TMLHE: variants seen among roughly 807,000 people sequenced by gnomAD.
The protein encoded by TMLHE is trimethyllysine hydroxylase, epsilon.
TMLHE carries 18 observed loss-of-function variants against 25.7 expected under a neutral mutation model. That is an observed-to-expected ratio of 0.70 (90% confidence interval 0.48 to 1.04). TMLHE has a LOEUF of 1.04. Ranked by LOEUF, TMLHE falls within the 50% of genes least tolerant of loss-of-function variation. The probability of loss-of-function intolerance (pLI) is 0.00; values close to 1 mark genes in which losing one functional copy is unlikely to be tolerated. For synonymous variants in TMLHE, 105 were observed against 97.0 expected, an observed-to-expected ratio of 1.08 and a Z score of -0.49; for missense variants, 236 against 259.0, an observed-to-expected ratio of 0.91 and a Z score of 0.61.
At chrX:155,553,703 TTC>T (rs1444279792) in intron 1 of TMLHE, among the ~76,000 whole-genome samples, 4 of 110,651 alleles carry the variant, frequency 3.6e-5, no homozygotes, top group African/African-American at 6.6e-5. Flanking sequence ...ACTATTTACT[TTC>T]TGTTTGTCTT....
Position 155,565,740 on chromosome X carries a change from G to T in TMLHE, c.-1-20463C>A, listed in dbSNP as rs1239254896. Among the ~76,000 whole-genome samples the T allele has an allele frequency of 1.1e-4, 7 of 62,245 alleles. 3 individuals are homozygous for T. The highest frequency in any genetic ancestry group is 3.2e-4 in the Non-Finnish European group (7 of 22,178). The allele number at this position is 62,245 out of a possible 115,157, so 54.1% of individuals were successfully genotyped here. On this transcript the variant is annotated intron_variant, in intron 1 of 7. Coordinates refer to ENST00000334398, the MANE Select transcript of TMLHE (RefSeq NM_018196.4). ...TGTTGGTATACTGTTGCTTCTGAAT[G>T]AAATCTATTGACTCTACTGCTAGGT...
chrX:155,592,598 C>G (rs1476016540), intron 1 of TMLHE, among the ~76,000 whole-genome samples: 1 of 111,984 alleles, frequency 8.9e-6, no homozygotes, highest in South Asian at 3.7e-4. Context: ...AGGCAGACAA[C>G]TAGATTTCTA....
At chrX:155,609,867 A>AC (rs1303466952) in intron 1 of TMLHE, among the ~76,000 whole-genome samples, 4 of 112,703 alleles carry the variant, frequency 3.5e-5, no homozygotes, top group Non-Finnish European at 7.5e-5. Context: ...TTTGAAAAAA[A>AC]CAAAACAAAA....
At chrX:155,612,368 G>GTT (rs2067829007) in intron 1 of TMLHE, 2 of 111,824 alleles carry the variant, frequency 1.8e-5, no homozygotes, top group East Asian at 2.8e-4. Flanking sequence ...CCACTCTACT[G>GTT]CCGAACAAAG....
chrX:155,550,082 C>T lies in TMLHE; in HGVS notation c.-1-4805G>A, dbSNP rs781802086. On this transcript the variant is annotated intron_variant, in intron 1 of 7. Transcript: ENST00000334398. Reference sequence around the variant, plus strand: ...TCCTTTTTATGGCTGCATAGTATTCCGTGGCGTATATGTGCCACATTTTCT... The same window carrying T: ...TCCTTTTTATGGCTGCATAGTATTCTGTGGCGTATATGTGCCACATTTTCT... Among the ~76,000 whole-genome samples the T allele has an allele frequency of 5.7e-4, 63 of 110,690 alleles. 3 individuals are homozygous for T. The highest frequency in any genetic ancestry group is 1.9e-3 in the African/African-American group (56 of 29,977).
At chrX:155,571,112 G>C (rs2067546391) in intron 1 of TMLHE, among the ~76,000 whole-genome samples, 2 of 56,873 alleles carry the variant, frequency 3.5e-5, no homozygotes. Context: ...AGAAAAGAGA[G>C]AAGAATCAAA....
At chrX:155,549,693 G>C (rs2067399551) in intron 1 of TMLHE, among the ~76,000 whole-genome samples, 2 of 109,927 alleles carry the variant, frequency 1.8e-5, no homozygotes, top group Non-Finnish European at 3.8e-5. Context: ...GTATGTGTGT[G>C]TGTCATCTTT....
In TMLHE at chrX:155,561,041, G is replaced by C. The variant is rs190806734; in HGVS notation, c.-1-15764C>G. Among the ~76,000 whole-genome samples the C allele has an allele frequency of 4.1e-4, 25 of 61,391 alleles. 10 individuals carry two copies. In the East Asian group the frequency reaches 0.017, roughly 43 times the overall value. The allele number at this position is 61,391 out of a possible 115,157, so 53.3% of individuals were successfully genotyped here. ...TTAGACTAAGGCAGTAGCAGTGAAA[G>C]TGGTGAAAAAGGGTCAGAGTCTGTT... On this transcript the variant is annotated intron_variant, in intron 1 of 7. Transcript: ENST00000334398.
intron 1 of TMLHE, among the ~76,000 whole-genome samples, chrX:155,548,699 C>G (rs1048349720): frequency 3.7e-5 from 4 of 107,007 alleles, no homozygotes; most frequent in African/African-American, 1.4e-4. Context: ...TGTGCCACTG[C>G]ACTCCAGCCT....
At chrX:155,583,666 G>C (rs1170800575) in intron 1 of TMLHE, among the ~76,000 whole-genome samples, 2 of 112,097 alleles carry the variant, frequency 1.8e-5, no homozygotes, top group Non-Finnish European at 1.9e-5. Context: ...CAGCAACATG[G>C]ATGTAACTGA....
chrX:155,507,779 T>A lies in TMLHE; in HGVS notation c.759-645A>T, dbSNP rs146839237. 7.1e-4 allele frequency among the ~76,000 whole-genome samples: 79 copies of A among 111,099 alleles called. 1 individual carries two copies. The highest frequency in any genetic ancestry group is 3.0e-3 in the Admixed American group (31 of 10,371). ...TAAACTGTGAAACTCTACGGCCATA[T>A]CAATATTTTAAAGAGTCCATTATGT... On this transcript the variant is annotated intron_variant, in intron 5 of 7. Coordinates refer to ENST00000334398, the MANE Select transcript of TMLHE (RefSeq NM_018196.4).
At chrX:155,505,099 T>C (rs1325147477) in intron 6 of TMLHE, among the ~76,000 whole-genome samples, 1 of 111,918 alleles carries the variant, frequency 8.9e-6, no homozygotes, top group Admixed American at 9.5e-5. Context: ...AGATATGTAC[T>C]GATATCTGCA....
chrX:155,512,230 A>T (rs1219112889), intron 4 of TMLHE, among the ~76,000 whole-genome samples: 2 of 109,549 alleles, frequency 1.8e-5, no homozygotes, highest in Non-Finnish European at 3.8e-5. Flanking sequence ...GGTTTGTTAC[A>T]TATGTATACA....
At chrX:155,603,800 C>T (rs992309715) in intron 1 of TMLHE, among the ~76,000 whole-genome samples, 106 of 111,887 alleles carry the variant, frequency 9.5e-4, no homozygotes, top group African/African-American at 3.0e-3. Flanking sequence ...AAACGAAAGA[C>T]GTAAAAGTAT....
chrX:155,528,228 A>G (rs1254483702), intron 2 of TMLHE, among the ~76,000 whole-genome samples: 1 of 110,383 alleles, frequency 9.1e-6, no homozygotes, highest in Non-Finnish European at 1.9e-5. Flanking sequence ...GCAATCAGCA[A>G]GTTTCTATGA....
intron 1 of TMLHE, among the ~76,000 whole-genome samples, chrX:155,605,269 C>CTCTGTG (rs2067780245): frequency 9.0e-6 from 1 of 111,461 alleles, no homozygotes; most frequent in African/African-American, 3.3e-5. Context: ...GAAAATTTCC[C>CTCTGTG]AAACATCACT....
intron 1 of TMLHE, among the ~76,000 whole-genome samples, chrX:155,560,483 AAAATAGCAGGAT>A (rs1406713723): frequency 9.5e-6 from 1 of 105,316 alleles, no homozygotes; most frequent in African/African-American, 3.3e-5. Context: ...TAAGCTATAA[AAAATAGCAGGAT>A]AAAGCAGTGT....
intron 2 of TMLHE, among the ~76,000 whole-genome samples, chrX:155,526,851 G>GGC (rs1557336521): frequency 4.4e-5 from 5 of 112,879 alleles, no homozygotes; most frequent in Non-Finnish European, 1.9e-5. Context: ...ACTTGCATGG[G>GGC]GCCTGTAGCC....
Position 155,586,226 on chromosome X carries a change from CAA to C in TMLHE, c.-2+26564_-2+26565del, listed in dbSNP as rs34370815. On this transcript the variant is annotated intron_variant, in intron 1 of 7. Transcript: ENST00000334398. ...GGGCAACAAGAGCAAAGCTCCGTCT[CAA>C]AAAAAAAAAAAAAATCCATGGTTAT... Among the ~76,000 whole-genome samples, 494 of 80,467 alleles carry C rather than the reference CAA, an allele frequency of 6.1e-3. 3 individuals carry two copies. The highest frequency in any genetic ancestry group is 0.019 in the African/African-American group (375 of 20,074). 69.9% of individuals were successfully genotyped at this position (80,467 alleles called of 115,157 possible). A position where few individuals can be genotyped will look rare whatever the true frequency, so the allele number is the denominator to read the frequency against.
Sources: allele counts gnomAD v4.1 joint callset (sites outside exome capture counted in the v4.1 genomes callset), GRCh38; gene constraint gnomAD v4.1.1; transcripts MANE v1.5; gene names NCBI Gene and HGNC (gene_info 2026-07-23, HGNC 2026-07-21).